The following CRADD variants were observed in gnomAD, a reference collection of about 807,000 sequenced individuals.
The protein encoded by CRADD is death domain-containing protein CRADD.
Under a neutral mutation model 15.5 loss-of-function variants are expected in CRADD, and 9 were observed. That is an observed-to-expected ratio of 0.58 (90% confidence interval 0.35 to 1.01). The LOEUF is 1.01. Ranked by LOEUF, CRADD falls within the 50% of genes least tolerant of loss-of-function variation. CRADD has a pLI of 0.02. For synonymous variants in CRADD, 118 were observed against 107.6 expected, an observed-to-expected ratio of 1.10 and a Z score of -0.60; for missense variants, 227 against 250.3, an observed-to-expected ratio of 0.91 and a Z score of 0.63.
chr12:93,814,591 G>A (rs1267817015), intron 2 of CRADD, among the ~76,000 whole-genome samples: 2 of 152,220 alleles, frequency 1.3e-5, no homozygotes, highest in African/African-American at 4.8e-5. Context: ...TAGCACAACT[G>A]CTGCTGTGAC....
chr12:93,841,561 G>A (rs961050233), intron 2 of CRADD, among the ~76,000 whole-genome samples: 1 of 152,104 alleles, frequency 6.6e-6, no homozygotes, highest in Non-Finnish European at 1.5e-5. Context: ...TCATACTTTG[G>A]TCTGTTCAAG....
intron 2 of CRADD, among the ~76,000 whole-genome samples, chr12:93,690,103 C>G (rs983358140): frequency 1.3e-5 from 2 of 152,156 alleles, no homozygotes; most frequent in Admixed American, 6.6e-5. Context: ...AATGAGGCAA[C>G]AGTGGGGGAT....
intron 2 of CRADD, among the ~76,000 whole-genome samples, chr12:93,702,470 C>G (rs1178369898): frequency 6.6e-6 from 1 of 151,870 alleles, no homozygotes; most frequent in African/African-American, 2.4e-5. Flanking sequence ...CTGTTTCTCA[C>G]CTTAAGAAAA....
chr12:93,880,021 G>A (rs1329138446), intron 2 of CRADD, among the ~76,000 whole-genome samples: 1 of 152,188 alleles, frequency 6.6e-6, no homozygotes. Context: ...ACAACAGATG[G>A]TGACTTGTCC....
chr12:93,741,473 A>T (rs552784344), intron 2 of CRADD, among the ~76,000 whole-genome samples: 1 of 152,314 alleles, frequency 6.6e-6, no homozygotes, highest in East Asian at 1.9e-4. Context: ...AGAAGATCCT[A>T]CTCCAGTAAA....
chr12:93,770,969 G>A (rs1482004365), intron 2 of CRADD, among the ~76,000 whole-genome samples: 1 of 152,100 alleles, frequency 6.6e-6, no homozygotes, highest in Non-Finnish European at 1.5e-5. Context: ...TGTACATAGA[G>A]TATCTTTCCA....
chr12:93,879,528 T>C (rs1958480199), intron 2 of CRADD, among the ~76,000 whole-genome samples: 1 of 152,178 alleles, frequency 6.6e-6, no homozygotes. Context: ...CCCCTAAATG[T>C]GGTGACTAAC....
At chr12:93,716,860 G>A (rs1287102141) in intron 2 of CRADD, among the ~76,000 whole-genome samples, 1 of 152,148 alleles carries the variant, frequency 6.6e-6, no homozygotes, top group Non-Finnish European at 1.5e-5. Flanking sequence ...TTCCTGTGTG[G>A]ACATGCATTT....
intron 2 of CRADD, among the ~76,000 whole-genome samples, chr12:93,797,863 G>A (rs1006060111): frequency 2.6e-5 from 4 of 152,182 alleles, no homozygotes; most frequent in Non-Finnish European, 4.4e-5. Flanking sequence ...GCGTAGAAAG[G>A]GCAATAAGAG....
chr12:93,740,774 A>G (rs74578652), intron 2 of CRADD, among the ~76,000 whole-genome samples: 2,174 of 152,338 alleles, frequency 0.014, 48 homozygotes, highest in African/African-American at 0.047. Flanking sequence ...TTGTGTAACT[A>G]TAGTTTTTTT....
intron 2 of CRADD, among the ~76,000 whole-genome samples, chr12:93,692,858 T>G (rs934698814): frequency 6.6e-6 from 1 of 152,178 alleles, no homozygotes; most frequent in African/African-American, 2.4e-5. Context: ...ATCTTTAGTT[T>G]GAAGGTTAAA....
At chr12:93,788,930 T>TC (rs1235936952) in intron 2 of CRADD, among the ~76,000 whole-genome samples, 1 of 152,120 alleles carries the variant, frequency 6.6e-6, no homozygotes. Context: ...CCTGGGCTAC[T>TC]CTGAAATAGA....
At chr12:93,697,926 T>G (rs1249582000) in intron 2 of CRADD, among the ~76,000 whole-genome samples, 1 of 152,172 alleles carries the variant, frequency 6.6e-6, no homozygotes, top group Non-Finnish European at 1.5e-5. Flanking sequence ...CTAATGATAA[T>G]GAACTAGGGT....
intron 2 of CRADD, among the ~76,000 whole-genome samples, chr12:93,681,624 G>A (rs1361280067): frequency 6.6e-6 from 1 of 152,032 alleles, no homozygotes; most frequent in Non-Finnish European, 1.5e-5. Context: ...GAGAATAATG[G>A]TACAGCGAAC....
chr12:93,754,429 AG>A (rs1033694697), intron 2 of CRADD, among the ~76,000 whole-genome samples: 1 of 152,220 alleles, frequency 6.6e-6, no homozygotes, highest in African/African-American at 2.4e-5. Context: ...TCCCAAGAAT[AG>A]GGGTTTTCTT....
intron 2 of CRADD, among the ~76,000 whole-genome samples, chr12:93,680,994 T>C (rs1955279051): frequency 1.3e-5 from 2 of 152,084 alleles, no homozygotes; most frequent in Non-Finnish European, 2.9e-5. Context: ...AAGCAATTCT[T>C]CTGCCTCAGC....
intron 2 of CRADD, among the ~76,000 whole-genome samples, chr12:93,731,427 G>T (rs998719498): frequency 3.9e-5 from 6 of 152,312 alleles, no homozygotes; most frequent in Admixed American, 1.3e-4. Flanking sequence ...CTTTTTGAAA[G>T]TTGGCACAGG....
At chr12:93,725,690 C>T (rs990125974) in intron 2 of CRADD, among the ~76,000 whole-genome samples, 6 of 152,172 alleles carry the variant, frequency 3.9e-5, no homozygotes, top group South Asian at 4.1e-4. Flanking sequence ...TAATGGAAAG[C>T]ATTTGCTATA....
intron 2 of CRADD, among the ~76,000 whole-genome samples, chr12:93,680,133 A>G (rs767374320): frequency 2.5e-4 from 38 of 152,048 alleles, no homozygotes; most frequent in Non-Finnish European, 4.9e-4. Context: ...CTTTTTCTTA[A>G]CCTCCCTTGA....
Sources: allele counts gnomAD v4.1 joint callset (sites outside exome capture counted in the v4.1 genomes callset), GRCh38; gene constraint gnomAD v4.1.1; transcripts MANE v1.5; gene names NCBI Gene and HGNC (gene_info 2026-07-23, HGNC 2026-07-21).